The following FLT3 variants were observed in gnomAD, a reference collection of about 807,000 sequenced individuals.
FLT3 encodes the protein receptor-type tyrosine-protein kinase FLT3.
In FLT3, 46 loss-of-function variants were observed where a neutral mutation model predicts 126.6. The ratio of observed to expected loss-of-function variants is 0.36; its 90% CI spans 0.29 to 0.46. The LOEUF (loss-of-function observed/expected upper bound fraction) is 0.46, where lower values mean the gene tolerates loss of function less well. Among genes scored for constraint, FLT3 ranks in the 20% least tolerant of loss-of-function variants. FLT3 has a pLI of 1.00. For missense variants in FLT3, 1,069 were observed against 1,190.3 expected, an observed-to-expected ratio of 0.90 and a Z score of 1.50; for synonymous variants, 404 against 434.4, an observed-to-expected ratio of 0.93 and a Z score of 0.87.
At chr13:28,080,772 T>C (rs1249858551) in intron 1 of FLT3, among the ~76,000 whole-genome samples, 1 of 152,230 alleles carries the variant, frequency 6.6e-6, no homozygotes, top group Non-Finnish European at 1.5e-5. Context: ...TATTTACATT[T>C]AATTTTATAT....
chr13:28,012,424 T>C (rs1566055647), intron 23 of FLT3, among the ~76,000 whole-genome samples: 4 of 152,088 alleles, frequency 2.6e-5, no homozygotes, highest in Admixed American at 2.0e-4. Context: ...CACTTTTTTT[T>C]CCCTCTCTAC....
At position 28,048,259 on chromosome 13, in the gene FLT3, T is replaced by A; in HGVS notation, c.1205+16A>T. On this transcript the variant is annotated intron_variant, in intron 9 of 23. Transcript: ENST00000241453. ...TTATGCTAAAAATGGTATCTTAGAG[T>A]CCTTTGTGGTCTCACCTGTATCCGT... is the stretch of plus-strand genomic sequence containing the variant. 6.3e-7 allele frequency: 1 copy of A among 1,597,692 alleles called. No individual in the cohort carries two copies. The highest frequency in any genetic ancestry group is 8.5e-7 in the Non-Finnish European group (1 of 1,171,366).
intron 20 of FLT3, among the ~76,000 whole-genome samples, chr13:28,017,210 T>A (rs1871941478): frequency 2.0e-5 from 3 of 152,140 alleles, no homozygotes; most frequent in Admixed American, 6.6e-5. Context: ...ATTTCACAAG[T>A]AGGGAATTCT....
Position 28,027,221 on chromosome 13 carries a change from C to T in FLT3, c.2074G>A (p.Glu692Lys). 6.2e-7 allele frequency: 1 copy of T among 1,610,168 alleles called. No individual in the cohort carries two copies. The highest frequency in any genetic ancestry group is 8.5e-7 in the Non-Finnish European group (1 of 1,178,284). The part of the protein sequence containing the change: ...TLSGPIYLIF[E>K]YCCYGDLLNY... ...AGAAGATCACCATAGCAACAGTATTCAAAAATCAAGTAAATTGGTCCTGAA... is the reference window on the plus strand; with the variant it reads ...AGAAGATCACCATAGCAACAGTATTTAAAAATCAAGTAAATTGGTCCTGAA... The change falls in exon 17 of 24, where the codon GAA (glutamate) becomes AAA (lysine). Residue 692 changes from glutamate to lysine, a missense_variant. By Grantham distance (56) the Glu-to-Lys change is moderately conservative. Coordinates refer to ENST00000241453, the MANE Select transcript of FLT3 (RefSeq NM_004119.3).
chr13:28,071,303 C>G (rs1213574103), intron 1 of FLT3, among the ~76,000 whole-genome samples: 1 of 151,930 alleles, frequency 6.6e-6, no homozygotes, highest in Non-Finnish European at 1.5e-5. Flanking sequence ...AGCCACTGTG[C>G]CCGGCCTGGT....
At position 28,037,377 on chromosome 13, in the gene FLT3, T is replaced by C. The variant is rs1312108058; in HGVS notation, c.1206-89A>G. The C allele has an allele frequency of 1.4e-5, 11 of 781,908 alleles. No homozygotes were observed. The Admixed American group carries it at 1.5e-4, about 11-fold the overall frequency. 48.4% of individuals were successfully genotyped at this position (781,908 alleles called of 1,614,324 possible). A position where few individuals can be genotyped will look rare whatever the true frequency, so the allele number is the denominator to read the frequency against. On this transcript the variant is annotated intron_variant, in intron 9 of 23. Transcript: ENST00000241453. ...ACAGTGTGCATGGGAGGTGTCTTCC[T>C]TGAAATGCTCCTCACTTGCTAAAGT... is the stretch of plus-strand genomic sequence containing the variant.
chr13:28,021,686 A>G (rs997514166), intron 19 of FLT3, among the ~76,000 whole-genome samples: 4 of 152,096 alleles, frequency 2.6e-5, no homozygotes, highest in African/African-American at 9.7e-5. Flanking sequence ...GCTTCCCTCC[A>G]AAAGCACTGG....
At chr13:28,083,295 T>C (rs1327798496) in intron 1 of FLT3, among the ~76,000 whole-genome samples, 2 of 152,246 alleles carry the variant, frequency 1.3e-5, no homozygotes, top group Admixed American at 6.5e-5. Flanking sequence ...TCTGTAAATA[T>C]AGTGATTGAT....
At chr13:28,038,484 G>A (rs1309452189) in intron 9 of FLT3, among the ~76,000 whole-genome samples, 2 of 146,246 alleles carry the variant, frequency 1.4e-5, no homozygotes, top group South Asian at 2.2e-4. Context: ...ACAGAGTCTC[G>A]CTCTGTCTCC....
At chr13:28,045,266 G>A (rs1221375896) in intron 9 of FLT3, among the ~76,000 whole-genome samples, 1 of 152,190 alleles carries the variant, frequency 6.6e-6, no homozygotes, top group Non-Finnish European at 1.5e-5. Context: ...AGCAATCTGT[G>A]TACATTCTTG....
At chr13:28,017,125 A>C (rs1294991210) in intron 20 of FLT3, among the ~76,000 whole-genome samples, 1 of 152,216 alleles carries the variant, frequency 6.6e-6, no homozygotes, top group Non-Finnish European at 1.5e-5. Context: ...CTGAGGAATA[A>C]ATGAATTAAT....
At chr13:28,042,007 A>C (rs1290581399) in intron 9 of FLT3, among the ~76,000 whole-genome samples, 1 of 151,920 alleles carries the variant, frequency 6.6e-6, no homozygotes, top group Non-Finnish European at 1.5e-5. Flanking sequence ...ACAAAAAATT[A>C]GCTGGGCACG....
At chr13:28,030,705 A>C (rs1322648892) in intron 15 of FLT3, among the ~76,000 whole-genome samples, 4 of 151,946 alleles carry the variant, frequency 2.6e-5, no homozygotes, top group Non-Finnish European at 5.9e-5. Context: ...GTCTCTACTT[A>C]AAAATAAAAT....
chr13:28,072,730 G>A (rs908353340), intron 1 of FLT3, among the ~76,000 whole-genome samples: 6 of 152,108 alleles, frequency 3.9e-5, no homozygotes, highest in Non-Finnish European at 8.8e-5. Context: ...GCGGCCGGGC[G>A]TGGTGGCTCA....
intron 6 of FLT3, 92 bp from the exon 7 acceptor site, chr13:28,049,866 C>A: frequency 1.5e-6 from 2 of 1,367,370 alleles, no homozygotes; most frequent in Non-Finnish European, 2.0e-6. Flanking sequence ...AAGACTTTAG[C>A]ATCATCTCAA....
In FLT3 at chr13:28,062,505, C is replaced by T. The variant is rs150632725; in HGVS notation, c.166-436G>A. On this transcript the variant is annotated intron_variant, in intron 2 of 23. Transcript: ENST00000241453. Reference sequence around the variant, plus strand: ...CACCTGCAATCCTAGCACTTTGGGACGCGGAGGCAGGCAGATCACTTGAAG... The same window carrying T: ...CACCTGCAATCCTAGCACTTTGGGATGCGGAGGCAGGCAGATCACTTGAAG... Among the ~76,000 whole-genome samples, 894 of 151,928 alleles carry T rather than the reference C, an allele frequency of 5.9e-3. 2 individuals are homozygous for T. The highest frequency in any genetic ancestry group is 9.4e-3 in the Non-Finnish European group (638 of 67,956).
At chr13:28,055,666 C>T (rs1410436910) in intron 4 of FLT3, among the ~76,000 whole-genome samples, 1 of 152,180 alleles carries the variant, frequency 6.6e-6, no homozygotes, top group Non-Finnish European at 1.5e-5. Flanking sequence ...ACCTGAATAA[C>T]TGTTGTTACA....
intron 1 of FLT3, among the ~76,000 whole-genome samples, chr13:28,098,185 C>T (rs750826907): frequency 4.0e-5 from 6 of 151,680 alleles, no homozygotes; most frequent in Admixed American, 2.0e-4. Context: ...TGCGGTGGCA[C>T]GCACCTGTAA....
chr13:28,072,033 CTA>C (rs1877564700), intron 1 of FLT3, among the ~76,000 whole-genome samples: 1 of 151,598 alleles, frequency 6.6e-6, no homozygotes, highest in African/African-American at 2.4e-5. Context: ...CTTTGTCTTT[CTA>C]TGTTTATATC....
Sources: gnomAD v4.1 joint callset for allele counts (sites outside exome capture counted in the v4.1 genomes callset) on GRCh38, gnomAD v4.1.1 for gene constraint, MANE v1.5 for transcripts, NCBI Gene and HGNC (gene_info 2026-07-23, HGNC 2026-07-21) for gene names.